LGMN: variants seen among roughly 807,000 people sequenced by gnomAD.
LGMN encodes asparaginyl endopeptidase.
LGMN carries 36 observed loss-of-function variants against 56.8 expected under a neutral mutation model. The observed-to-expected ratio is 0.63, with a 90% CI of 0.49 to 0.84. The LOEUF is 0.84. Among genes scored for constraint, LGMN ranks in the 40% least tolerant of loss-of-function variants. LGMN has a pLI of 0.00. For missense variants in LGMN, 446 were observed against 556.1 expected, an observed-to-expected ratio of 0.80 and a Z score of 1.99; for synonymous variants, 199 against 210.1, an observed-to-expected ratio of 0.95 and a Z score of 0.46.
At chr14:92,739,261 G>A (rs1055956316) in intron 1 of LGMN, among the ~76,000 whole-genome samples, 2 of 152,108 alleles carry the variant, frequency 1.3e-5, no homozygotes, top group East Asian at 1.9e-4. Context: ...GCATCCCTAT[G>A]ATTCCTGGTT....
chr14:92,725,665 TC>T (rs1890706719), intron 2 of LGMN, among the ~76,000 whole-genome samples: 2 of 151,806 alleles, frequency 1.3e-5, no homozygotes, highest in Non-Finnish European at 2.9e-5. Context: ...AACCTCTGCC[TC>T]CCAGGTTCAA....
At chr14:92,741,881 T>A (rs1891572287) in intron 1 of LGMN, 1 of 151,968 alleles carries the variant, frequency 6.6e-6, no homozygotes, top group Admixed American at 6.6e-5. Flanking sequence ...AATAAAATCA[T>A]CCTGCAAGGT....
chr14:92,734,314 A>C (rs1891200561), intron 1 of LGMN, among the ~76,000 whole-genome samples: 2 of 152,186 alleles, frequency 1.3e-5, no homozygotes, highest in African/African-American at 4.8e-5. Flanking sequence ...ATGGCTCTCC[A>C]TCGCAAGACT....
At chr14:92,715,419 T>C (rs1342370041) in intron 5 of LGMN, among the ~76,000 whole-genome samples, 2 of 152,226 alleles carry the variant, frequency 1.3e-5, no homozygotes, top group African/African-American at 4.8e-5. Flanking sequence ...TTTCATCATG[T>C]TGGCCAGGCT....
Position 92,714,467 on chromosome 14 carries a change from C to A in LGMN, c.405-16G>T, listed in dbSNP as rs767143550. ...CTGGGGGCCACTGCCAAGAAGGAAT[C>A]GGGGGTCAATCATTTCCTTTTTCTG... is the stretch of plus-strand genomic sequence containing the variant. On this transcript the variant is annotated splice_polypyrimidine_tract_variant and intron_variant, in intron 5 of 13. Transcript: ENST00000334869. The surrounding 1 kb of genome is among the most constrained non-coding windows in gnomAD (Gnocchi z 5.1). 3.2e-6 allele frequency: 5 copies of A among 1,551,764 alleles called. No individual in the cohort carries two copies. Among genetic ancestry groups the A allele is most frequent in the African/African-American group, 2.7e-5 (2 of 73,080 alleles).
rs201566880 is a variant in LGMN at position 92,711,780 on chromosome 14, A to G, written c.730-32T>C. 3.1e-6 allele frequency: 5 copies of G among 1,611,860 alleles called. No individual in the cohort carries two copies. The African/African-American group carries it at 6.7e-5, about 21-fold the overall frequency. The stretch of plus-strand genomic sequence containing the variant: ...AAAGTGAGACCATTAGAGACCTTTG[A>G]CAATCAGAGTCTGACGGTTAAACCC... On this transcript the variant is annotated intron_variant, in intron 9 of 13. Transcript: ENST00000334869.
At position 92,712,803 on chromosome 14, in the gene LGMN, A is replaced by G; in HGVS notation, c.610+2T>C. ...GTCGAGGCCGGCGCCCCAACCACCT[A>G]CCATTGATGTTATCCGGCAGGTGGT... On this transcript the variant is annotated splice_donor_variant, in intron 8 of 13. Transcript: ENST00000334869. LOFTEE classifies it high-confidence loss of function. The G allele has an allele frequency of 6.2e-7, 1 of 1,613,508 alleles. No homozygotes were observed. The highest frequency in any genetic ancestry group is 8.5e-7 in the Non-Finnish European group (1 of 1,179,768).
Position 92,709,724 on chromosome 14 carries a change from T to C in LGMN, c.968A>G (p.Asn323Ser), listed in dbSNP as rs1252400482. ...TIMKRKLMNT[N>S]DLEESRQLTE... is the part of the protein sequence containing the mutation. The stretch of plus-strand genomic sequence containing the variant: ...GAGCTGCCTGGACTCCTCCAGATCA[T>C]TGGTGTTCATCAGTTTCCTTTTCAT... The change falls in exon 11 of 14, where the codon AAT (asparagine) becomes AGT (serine). Residue 323 changes from asparagine (N) to serine (S), a missense_variant. Physicochemically the swap from Asn to Ser is conservative, Grantham distance 46. Transcript: ENST00000334869. 3.1e-6 allele frequency: 5 copies of C among 1,613,966 alleles called. No homozygotes were observed. The highest frequency in any genetic ancestry group is 1.7e-5 in the Admixed American group (1 of 60,016).
intron 3 of LGMN, among the ~76,000 whole-genome samples, chr14:92,718,126 T>A (rs1052331664): frequency 6.6e-6 from 1 of 152,228 alleles, no homozygotes; most frequent in Admixed American, 6.5e-5. Flanking sequence ...TCCCCTGTGC[T>A]GCAGCCTGCT....
intron 2 of LGMN, among the ~76,000 whole-genome samples, chr14:92,727,903 A>G (rs1202586173): frequency 3.9e-5 from 6 of 152,204 alleles, no homozygotes; most frequent in Non-Finnish European, 8.8e-5. Context: ...CATGGGCCTC[A>G]AGTGAAAAAC....
chr14:92,732,833 G>A lies in LGMN; in HGVS notation c.-29-18C>T. 1 of 1,600,686 alleles carries A rather than the reference G, an allele frequency of 6.2e-7. No homozygotes were observed. On this transcript the variant is annotated intron_variant, in intron 1 of 13. Coordinates refer to ENST00000334869, the MANE Select transcript of LGMN (RefSeq NM_005606.7). ...GCAGACACCTGAGAAGGGAAACACA[G>A]AGTCAAGTACAAAGCAACAAGAACT...
intron 1 of LGMN, among the ~76,000 whole-genome samples, chr14:92,737,182 C>A (rs1338990580): frequency 6.6e-6 from 1 of 152,194 alleles, no homozygotes; most frequent in Admixed American, 6.5e-5. Flanking sequence ...CAGCCAGTCA[C>A]CAAGTACTTG....
chr14:92,709,515 C>T (rs1439594546), intron 11 of LGMN, among the ~76,000 whole-genome samples, 157 bp downstream of exon 11: 5 of 152,128 alleles, frequency 3.3e-5, no homozygotes, highest in South Asian at 4.1e-4. Flanking sequence ...ACCACGGCTC[C>T]GCCCACCCGC....
Position 92,712,843 on chromosome 14 carries a change from G to T in LGMN, c.572C>A (p.Ser191Tyr). 1 of 1,613,982 alleles carries T rather than the reference G, an allele frequency of 6.2e-7. No homozygotes were observed. The highest frequency in any genetic ancestry group is 1.1e-5 in the South Asian group (1 of 91,020). Residue 191 changes from serine to tyrosine, a missense_variant, in exon 8 of 14, where the codon TCT (serine) becomes TAT (tyrosine). Ser to Tyr is a moderately radical substitution (Grantham distance 144, BLOSUM62 -2). Coordinates refer to ENST00000334869, the MANE Select transcript of LGMN (RefSeq NM_005606.7). The part of the protein sequence containing the change: ...KMVFYIEACE[S>Y]GSMMNHLPDN... Reference sequence around the variant, plus strand: ...CGGCAGGTGGTTCATCATGGACCCAGACTCACAGGCTTCAATGTAGAACAC... The same window carrying T: ...CGGCAGGTGGTTCATCATGGACCCATACTCACAGGCTTCAATGTAGAACAC...
intron 1 of LGMN, among the ~76,000 whole-genome samples, chr14:92,737,555 C>T (rs1595562881): frequency 6.6e-6 from 1 of 152,228 alleles, no homozygotes; most frequent in Admixed American, 6.5e-5. Context: ...ACCAAGCTAA[C>T]ACGTGGACAC....
intron 12 of LGMN, 132 bp from the exon 13 acceptor site, chr14:92,704,839 A>C: frequency 4.1e-6 from 3 of 725,674 alleles, no homozygotes. Context: ...ATCCTTTCCC[A>C]ACCTTTAGAT....
intron 2 of LGMN, among the ~76,000 whole-genome samples, chr14:92,731,125 A>G (rs1036592461): frequency 1.3e-5 from 2 of 152,116 alleles, no homozygotes; most frequent in African/African-American, 4.8e-5. Flanking sequence ...CCTCAGTCCA[A>G]TCATTCGTAA....
At chr14:92,715,235 T>TG (rs1890013464) in intron 5 of LGMN, among the ~76,000 whole-genome samples, 2 of 111,640 alleles carry the variant, frequency 1.8e-5, no homozygotes, top group Non-Finnish European at 3.9e-5. Flanking sequence ...GTGTGTGTGT[T>TG]TGAGACAGAG....
intron 1 of LGMN, among the ~76,000 whole-genome samples, chr14:92,744,164 A>G (rs887479658): frequency 2.0e-5 from 3 of 152,162 alleles, no homozygotes; most frequent in East Asian, 1.9e-4. Context: ...AAAAGAAAAA[A>G]AAAAAGAAAA....
Sources: allele counts gnomAD v4.1 joint callset (sites outside exome capture counted in the v4.1 genomes callset), GRCh38; gene constraint gnomAD v4.1.1; non-coding constraint Gnocchi (gnomAD v3.1); transcripts MANE v1.5; gene names NCBI Gene and HGNC (gene_info 2026-07-23, HGNC 2026-07-21).